CLTB: variants seen among roughly 807,000 people sequenced by gnomAD.
CLTB encodes clathrin, light chain (Lcb).
CLTB carries 10 observed loss-of-function variants against 30.5 expected under a neutral mutation model. The observed-to-expected ratio is 0.33, with a 90% CI of 0.20 to 0.56. CLTB has a LOEUF of 0.56. Ranked by LOEUF, CLTB falls within the 20% of genes least tolerant of loss-of-function variation. The pLI, the probability that CLTB is intolerant of heterozygous loss-of-function variation, is 0.91. For missense variants in CLTB, 261 were observed against 308.3 expected (o/e 0.85, Z 1.15); for synonymous variants, 102 against 120.3 (o/e 0.85, Z 1.00).
intron 1 of CLTB, among the ~76,000 whole-genome samples, chr5:176,411,974 A>G (rs576566339): frequency 2.6e-4 from 39 of 152,076 alleles, no homozygotes; most frequent in African/African-American, 9.2e-4. Flanking sequence ...CAGGAGATCG[A>G]GACCATCCTG....
intron 5 of CLTB, among the ~76,000 whole-genome samples, chr5:176,395,833 G>A (rs1756494768): frequency 6.6e-6 from 1 of 152,040 alleles, no homozygotes; most frequent in Non-Finnish European, 1.5e-5. Context: ...TGTCTGTTTT[G>A]TTGAATAAAA....
intron 2 of CLTB, 109 bp downstream of exon 2, chr5:176,410,148 A>G: frequency 2.1e-6 from 2 of 959,508 alleles, no homozygotes; most frequent in Non-Finnish European, 3.2e-6. Context: ...AATGCATCAG[A>G]CATAATGAAC....
chr5:176,408,527 A>C (rs1757251341), intron 2 of CLTB, among the ~76,000 whole-genome samples: 1 of 150,096 alleles, frequency 6.7e-6, no homozygotes, highest in Non-Finnish European at 1.5e-5. Context: ...TAAGAGCAAA[A>C]CTCCATCTCA....
Position 176,397,668 on chromosome 5 carries a change from C to T in CLTB, c.403G>A (p.Asp135Asn), listed in dbSNP as rs1177070197. 6.2e-7 allele frequency: 1 copy of T among 1,613,610 alleles called. No homozygotes were observed. The change falls in exon 4 of 6, where the codon GAC becomes AAC. Residue 135 changes from aspartate (D) to asparagine (N), a missense_variant. Coordinates refer to ENST00000310418, the MANE Select transcript of CLTB (RefSeq NM_007097.5). The stretch of plus-strand genomic sequence containing the variant: ...TGGCGCTGGTTCCACTCCTCCAGGT[C>T]CTTCTTGGCCTTCTCCCGCCATTCC... ...EQEWREKAKK[D>N]LEEWNQRQSE...
intron 2 of CLTB, among the ~76,000 whole-genome samples, chr5:176,407,199 C>T (rs1757173106): frequency 6.6e-6 from 1 of 152,180 alleles, no homozygotes; most frequent in Non-Finnish European, 1.5e-5. Flanking sequence ...ATGGGGTGCA[C>T]TCCAGAAGTG....
chr5:176,406,062 C>T (rs565768781), intron 2 of CLTB: 16 of 740,442 alleles, frequency 2.2e-5, no homozygotes, highest in Admixed American at 1.9e-4. Flanking sequence ...TCATTATTTC[C>T]GGGCTGCTCA....
intron 1 of CLTB, 108 bp downstream of exon 1, chr5:176,416,069 C>T: frequency 1.9e-6 from 2 of 1,031,690 alleles, no homozygotes; most frequent in Admixed American, 7.7e-5. Context: ...CTCCCAGCTC[C>T]TGCCCCGGGT....
chr5:176,400,592 C>T (rs186741594), intron 2 of CLTB, among the ~76,000 whole-genome samples: 5 of 152,342 alleles, frequency 3.3e-5, no homozygotes, highest in East Asian at 1.9e-4. Context: ...TCCAGCCACA[C>T]CCGCTCTGGC....
chr5:176,416,381 C>A lies in CLTB; in HGVS notation c.-18G>T. On this transcript the variant is annotated 5_prime_UTR_variant, in exon 1 of 6. Coordinates refer to ENST00000310418, the MANE Select transcript of CLTB (RefSeq NM_007097.5). ...TCAGCCATTTTCCCCGCGCCTCCGC[C>A]GGAGCCTCCGCTGCGCTCGGCTCTG... is the stretch of plus-strand genomic sequence containing the variant. 6.3e-7 allele frequency: 1 copy of A among 1,582,272 alleles called. No individual in the cohort carries two copies. Among genetic ancestry groups the A allele is most frequent in the Admixed American group, 1.8e-5 (1 of 56,800 alleles).
Position 176,416,201 on chromosome 5 carries a change from CG to C in CLTB, c.162del (p.Ala55ArgfsTer42). 1 of 1,588,780 alleles carries C rather than the reference CG, an allele frequency of 6.3e-7. No homozygotes were observed. Among genetic ancestry groups the C allele is most frequent in the African/African-American group, 1.4e-5 (1 of 71,810 alleles). The part of the protein sequence containing the change: ...FGAPAGSHAA[P>X]AQPGPTSGAG... Reference sequence around the variant, plus strand: ...CCCCCACTCGTGGGGCCCGGCTGCGCGGGGGCCGCATGGCTGCCGGCAGGTG... The same window carrying C: ...CCCCCACTCGTGGGGCCCGGCTGCGCGGGGCCGCATGGCTGCCGGCAGGTG... On this transcript the variant is annotated frameshift_variant, in exon 1 of 6. Coordinates refer to ENST00000310418, the MANE Select transcript of CLTB (RefSeq NM_007097.5). LOFTEE classifies it high-confidence loss of function.
chr5:176,395,571 A>G (rs190602510), intron 5 of CLTB, among the ~76,000 whole-genome samples: 134 of 152,228 alleles, frequency 8.8e-4, no homozygotes, highest in Middle Eastern at 3.4e-3. Flanking sequence ...CAGCTCCACA[A>G]TCCCCACCAC....
intron 1 of CLTB, among the ~76,000 whole-genome samples, chr5:176,413,364 A>C (rs1757542630): frequency 6.6e-6 from 1 of 152,266 alleles, no homozygotes; most frequent in Non-Finnish European, 1.5e-5. Context: ...CAGGCAAGTC[A>C]GAGCCAGGCC....
chr5:176,397,323 T>C (rs2303668), intron 4 of CLTB, among the ~76,000 whole-genome samples: 30,690 of 116,200 alleles, frequency 0.26, 3,881 homozygotes, highest in Middle Eastern at 0.41. Flanking sequence ...CATGTCCCCA[T>C]AGCCCCTCTC....
rs1756459658 is a variant in CLTB at position 176,395,125 on chromosome 5, T to C, written c.518+1354A>G. 4.0e-5 allele frequency among the ~76,000 whole-genome samples: 6 copies of C among 151,092 alleles called. No homozygotes were observed. The South Asian group carries it at 1.3e-3, about 32-fold the overall frequency. On this transcript the variant is annotated intron_variant, in intron 5 of 5. Coordinates refer to ENST00000310418, the MANE Select transcript of CLTB (RefSeq NM_007097.5). Reference sequence around the variant, plus strand: ...CCACCATCCCCACCATCCCAGCCTGTAGAGCTTCAGCCACTGCAGCCAGCT... The same window carrying C: ...CCACCATCCCCACCATCCCAGCCTGCAGAGCTTCAGCCACTGCAGCCAGCT...
At chr5:176,396,434 T>C in intron 5 of CLTB, 45 bp downstream of exon 5, 14 of 1,528,300 alleles carry the variant, frequency 9.2e-6, no homozygotes, top group Non-Finnish European at 1.3e-5. Context: ...GTGGTGGCCA[T>C]TCCCTCTCTA....
At chr5:176,402,366 A>G (rs1284773830) in intron 2 of CLTB, among the ~76,000 whole-genome samples, 1 of 152,220 alleles carries the variant, frequency 6.6e-6, no homozygotes, top group Non-Finnish European at 1.5e-5. Flanking sequence ...ACAAAATTCA[A>G]GTGATCTGGT....
Sources: gnomAD v4.1 joint callset for allele counts (sites outside exome capture counted in the v4.1 genomes callset) on GRCh38, gnomAD v4.1.1 for gene constraint, MANE v1.5 for transcripts, NCBI Gene and HGNC (gene_info 2026-07-23, HGNC 2026-07-21) for gene names.